The following KDM4A variants were observed in gnomAD, a reference collection of about 807,000 sequenced individuals.
KDM4A encodes lysine-specific demethylase 4A.
In KDM4A, 23 loss-of-function variants were observed where a neutral mutation model predicts 127.1. The ratio of observed to expected loss-of-function variants is 0.18; its 90% confidence interval spans 0.13 to 0.26. The LOEUF is 0.26. Ranked by LOEUF, KDM4A falls within the 10% of genes least tolerant of loss-of-function variation. The probability of loss-of-function intolerance (pLI) is 1.00; values close to 1 mark genes in which losing one functional copy is unlikely to be tolerated. For missense variants in KDM4A, 890 were observed against 1,329.1 expected (o/e 0.67, Z 5.14); for synonymous variants, 443 against 466.5 (o/e 0.95, Z 0.65).
rs1233032621 is a variant in KDM4A at position 43,669,108 on chromosome 1, A to G, written c.1172A>G (p.Lys391Arg). Residue 391 changes from lysine (K) to arginine (R), a missense_variant, in exon 10 of 22, where the codon AAG (lysine) becomes AGG (arginine). Lys to Arg is a conservative substitution (Grantham distance 26). Around this residue, in one of 7 missense-constraint regions of KDM4A, gnomAD observed 389 missense variants for 485.9 expected, o/e 0.80. Transcript: ENST00000372396. ...EEGDLKTSLA[K>R]HRIGTKRHRV... ...TGCCCTCTCCCTTGCAGCCTGGCCA[A>G]GCACCGAATAGGGACAAAGAGGCAC... is the stretch of plus-strand genomic sequence containing the variant. The G allele has an allele frequency of 6.2e-7, 1 of 1,614,116 alleles. No individual in the cohort carries two copies. The highest frequency in any genetic ancestry group is 8.5e-7 in the Non-Finnish European group (1 of 1,180,046).
Position 43,697,920 on chromosome 1 carries a change from G to C in KDM4A, c.2748G>C (p.Gln916His). ...ISKHKNGRFY[Q>H]CEVVRLTTET... ...AGCATAAGAACGGGCGCTTCTACCAGTGTGAAGTGGTCAGGCTCACCACCG... is the reference window on the plus strand; with the variant it reads ...AGCATAAGAACGGGCGCTTCTACCACTGTGAAGTGGTCAGGCTCACCACCG... Residue 916 changes from glutamine to histidine, a missense_variant, in exon 19 of 22, where the codon CAG becomes CAC. By Grantham distance (24) the Gln-to-His change is conservative. Around this residue, in one of 7 missense-constraint regions of KDM4A, gnomAD observed 246 missense variants for 418.4 expected, o/e 0.59. Transcript: ENST00000372396. The C allele has an allele frequency of 1.2e-6, 2 of 1,610,400 alleles. No individual in the cohort carries two copies. The highest frequency in any genetic ancestry group is 1.7e-6 in the Non-Finnish European group (2 of 1,178,742).
intron 15 of KDM4A, among the ~76,000 whole-genome samples, 164 bp from the exon 16 acceptor site, chr1:43,692,089 CCTT>C (rs1462848336): frequency 6.6e-6 from 1 of 152,236 alleles, no homozygotes; most frequent in Admixed American, 6.5e-5. Context: ...AGTGGCCTCT[CCTT>C]CTGACAGGGC....
At chr1:43,654,422 C>G (rs934784735) in intron 2 of KDM4A, among the ~76,000 whole-genome samples, 2 of 151,806 alleles carry the variant, frequency 1.3e-5, no homozygotes, top group Non-Finnish European at 2.9e-5. Flanking sequence ...GGCATCATGC[C>G]ATATACATTC....
intron 12 of KDM4A, among the ~76,000 whole-genome samples, chr1:43,686,525 C>T (rs1246353376): frequency 2.0e-5 from 3 of 151,262 alleles, no homozygotes; most frequent in Admixed American, 6.6e-5. Flanking sequence ...TTAGTAGAGA[C>T]GGGGTTTCAC....
At chr1:43,658,067 A>G (rs962468354) in intron 3 of KDM4A, among the ~76,000 whole-genome samples, 23 of 140,800 alleles carry the variant, frequency 1.6e-4, no homozygotes, top group African/African-American at 5.6e-4. Context: ...AAGTAAAAAC[A>G]TAACTTTTTT....
intron 6 of KDM4A, 109 bp downstream of exon 6, chr1:43,665,854 A>C (rs934542802): frequency 2.7e-6 from 3 of 1,127,040 alleles, no homozygotes; most frequent in Non-Finnish European, 4.0e-6. Flanking sequence ...GTCCTGTTGC[A>C]GGCCTGCAGA....
At chr1:43,681,237 C>G (rs1255481244) in intron 11 of KDM4A, among the ~76,000 whole-genome samples, 3 of 152,148 alleles carry the variant, frequency 2.0e-5, no homozygotes, top group Non-Finnish European at 4.4e-5. Flanking sequence ...GGATCTCCCC[C>G]TCCCTGAAGC....
At chr1:43,683,900 G>T (rs577026952) in intron 12 of KDM4A, 96 bp downstream of exon 12, 125 of 1,422,758 alleles carry the variant, frequency 8.8e-5, no homozygotes, top group Non-Finnish European at 1.2e-4. Flanking sequence ...GGATAAGGGT[G>T]GGCCTGTGGC....
intron 13 of KDM4A, chr1:43,690,616 C>A: frequency 1.7e-6 from 1 of 579,398 alleles, no homozygotes; most frequent in Non-Finnish European, 3.1e-6. Context: ...ACCTTGCTCC[C>A]TTTTCTCAGT....
chr1:43,697,795 G>A (rs1161407080), intron 18 of KDM4A, 48 bp from the exon 19 acceptor site: 2 of 1,559,994 alleles, frequency 1.3e-6, no homozygotes. Flanking sequence ...CATATGCCAG[G>A]CCTGCAAACT....
At position 43,667,033 on chromosome 1, in the gene KDM4A, C is replaced by T. The variant is rs766535295; in HGVS notation, c.857C>T (p.Ala286Val). Residue 286 changes from alanine to valine, a missense_variant, in exon 8 of 22, where the codon GCG (alanine) becomes GTG (valine). By Grantham distance (64) the Ala-to-Val change is moderately conservative. This residue lies in a region of KDM4A where 141 missense variants were observed against 273.5 expected (regional missense o/e 0.52). Transcript: ENST00000372396. ...HAGFNHGFNC[A>V]ESTNFATRRW... is the part of the protein sequence containing the mutation. ...GGCTTTAACCATGGTTTTAACTGTGCGGAGTCTACCAATTTTGCTACCCGT... is the reference window on the plus strand; with the variant it reads ...GGCTTTAACCATGGTTTTAACTGTGTGGAGTCTACCAATTTTGCTACCCGT... 1.2e-6 allele frequency: 2 copies of T among 1,614,092 alleles called. No homozygotes were observed. Among genetic ancestry groups the T allele is most frequent in the South Asian group, 1.1e-5 (1 of 91,082 alleles).
chr1:43,691,081 TC>T (rs1313104110), intron 14 of KDM4A, 32 bp downstream of exon 14: 2 of 1,608,208 alleles, frequency 1.2e-6, no homozygotes. Context: ...CTGTGTCCTG[TC>T]CCAGGAGTAT....
chr1:43,674,512 GCTA>G (rs998472416), intron 11 of KDM4A, among the ~76,000 whole-genome samples: 3 of 140,386 alleles, frequency 2.1e-5, no homozygotes, highest in African/African-American at 5.3e-5. Context: ...AAATGGCCCT[GCTA>G]CTTTTTTTTT....
chr1:43,703,606 T>C lies in KDM4A; in HGVS notation c.2842-11T>C, dbSNP rs980785418. Reference sequence around the variant, plus strand: ...CGTTCCTTTCACCCTCCTTCCTTCCTGTTTCCTCAGAGCCAGGACTGTCTC... The same window carrying C: ...CGTTCCTTTCACCCTCCTTCCTTCCCGTTTCCTCAGAGCCAGGACTGTCTC... On this transcript the variant is annotated splice_polypyrimidine_tract_variant and intron_variant, in intron 19 of 21. Transcript: ENST00000372396. 5 of 1,613,564 alleles carry C rather than the reference T, an allele frequency of 3.1e-6. No homozygotes were observed. The highest frequency in any genetic ancestry group is 2.2e-5 in the South Asian group (2 of 91,044).
At chr1:43,698,082 C>CT in intron 19 of KDM4A, 69 bp downstream of exon 19, 1 of 1,501,926 alleles carries the variant, frequency 6.7e-7, no homozygotes, top group Non-Finnish European at 9.1e-7. Flanking sequence ...GGCTGGCAGA[C>CT]TGTGTGTGTA....
intron 1 of KDM4A, among the ~76,000 whole-genome samples, chr1:43,652,624 C>G (rs1412184748): frequency 1.3e-5 from 2 of 151,762 alleles, no homozygotes; most frequent in Non-Finnish European, 2.9e-5. Flanking sequence ...GCTGGGATTA[C>G]AGGCTTGAGC....
chr1:43,695,631 C>A (rs1171968089), intron 18 of KDM4A, among the ~76,000 whole-genome samples: 1 of 152,160 alleles, frequency 6.6e-6, no homozygotes, highest in Non-Finnish European at 1.5e-5. Context: ...TATTTTGATT[C>A]TGCATTATAG....
chr1:43,680,925 A>G (rs1433177945), intron 11 of KDM4A, among the ~76,000 whole-genome samples: 1 of 152,188 alleles, frequency 6.6e-6, no homozygotes, highest in Admixed American at 6.5e-5. Context: ...TTGGGGAACC[A>G]TTATTCTCTC....
At chr1:43,659,945 G>A (rs1394717466) in intron 3 of KDM4A, among the ~76,000 whole-genome samples, 2 of 152,194 alleles carry the variant, frequency 1.3e-5, no homozygotes, top group African/African-American at 4.8e-5. Context: ...CTGTGGATAT[G>A]TAGGGACCTT....
Sources: gnomAD v4.1 joint callset for allele counts (sites outside exome capture counted in the v4.1 genomes callset) on GRCh38, gnomAD v4.1.1 for gene constraint, gnomAD v4.1.1 regional missense constraint, MANE v1.5 for transcripts, NCBI Gene and HGNC (gene_info 2026-07-23, HGNC 2026-07-21) for gene names.